TDRP: variants seen among roughly 807,000 people sequenced by gnomAD.
TDRP encodes the protein testis development-related protein.
TDRP carries 12 observed loss-of-function variants against 10.5 expected under a neutral mutation model. That is an observed-to-expected ratio of 1.15 (90% confidence interval 0.73 to 1.86). The LOEUF (loss-of-function observed/expected upper bound fraction) is 1.86. Ranked by LOEUF, TDRP falls within the 40% of genes most tolerant of loss-of-function variation. TDRP has a pLI of 0.00. For missense variants in TDRP, 353 were observed against 229.2 expected (o/e 1.54, Z -3.49); for synonymous variants, 139 against 95.4 (o/e 1.46, Z -2.67).
intron 1 of TDRP, among the ~76,000 whole-genome samples, chr8:519,683 A>G (rs1327539006): frequency 6.6e-6 from 1 of 152,166 alleles, no homozygotes; most frequent in Non-Finnish European, 1.5e-5. Context: ...ACCCAAAATA[A>G]TAATGAGGTG....
At chr8:509,761 G>A (rs1285338872) in intron 1 of TDRP, among the ~76,000 whole-genome samples, 4 of 152,162 alleles carry the variant, frequency 2.6e-5, no homozygotes, top group Non-Finnish European at 4.4e-5. Flanking sequence ...TCTGCAGCTG[G>A]CTTGAATTTC....
rs1802594557 is a variant in TDRP at position 544,807 on chromosome 8, C to T, written c.-50G>A. On this transcript the variant is annotated 5_prime_UTR_variant, in exon 1 of 3. Transcript: ENST00000324079. ...CCGTCCGTGCGTCGGGCTGTGGCTC[C>T]GCGTCCCTCCCGGCCGCCGGACGCT... 7 of 1,186,360 alleles carry T rather than the reference C, an allele frequency of 5.9e-6. No homozygotes were observed. Among genetic ancestry groups the T allele is most frequent in the Non-Finnish European group, 7.4e-6 (7 of 947,772 alleles). 73.5% of individuals were successfully genotyped at this position (1,186,360 alleles called of 1,614,324 possible).
intron 1 of TDRP, among the ~76,000 whole-genome samples, chr8:512,784 G>C (rs1584865910): frequency 1.3e-5 from 2 of 152,132 alleles, no homozygotes; most frequent in South Asian, 4.2e-4. Flanking sequence ...AGAACAGCCT[G>C]GCCATGGCAA....
chr8:535,442 A>T (rs1023606089), intron 1 of TDRP, among the ~76,000 whole-genome samples: 1 of 152,172 alleles, frequency 6.6e-6, no homozygotes, highest in Non-Finnish European at 1.5e-5. Context: ...TAAAACGAAC[A>T]TAAAACGACC....
rs187882976 is a variant in TDRP, at chr8:492,220, G to A, written c.*179C>T. 299 of 1,283,696 alleles carry A rather than the reference G, an allele frequency of 2.3e-4. No individual in the cohort carries two copies. In the African/African-American group the frequency reaches 4.3e-3, roughly 18 times the overall value. The allele number at this position is 1,283,696 out of a possible 1,614,324, so 79.5% of individuals were successfully genotyped here. ...AATCAAATGTACAATCCCTGCACGTGTTCACCAAGGAGTCACAGTGTGTGT... is the reference window on the plus strand; with the variant it reads ...AATCAAATGTACAATCCCTGCACGTATTCACCAAGGAGTCACAGTGTGTGT... On this transcript the variant is annotated 3_prime_UTR_variant, in exon 3 of 3. Transcript: ENST00000324079.
At chr8:492,876 A>G in intron 2 of TDRP, 132 bp from the exon 3 acceptor site, 1 of 743,064 alleles carries the variant, frequency 1.3e-6, no homozygotes, top group Non-Finnish European at 2.1e-6. Flanking sequence ...CTATATGAAA[A>G]GTTTCAAATA....
intron 1 of TDRP, among the ~76,000 whole-genome samples, chr8:512,085 A>C (rs1563122549): frequency 6.6e-6 from 1 of 152,202 alleles, no homozygotes; most frequent in Admixed American, 6.5e-5. Context: ...AATAGAGAAT[A>C]ACAGAAGAGA....
intron 1 of TDRP, among the ~76,000 whole-genome samples, chr8:529,275 C>A (rs1290148965): frequency 6.6e-6 from 1 of 152,150 alleles, no homozygotes; most frequent in Non-Finnish European, 1.5e-5. Context: ...AATATACACA[C>A]CTACTATGAT....
At chr8:533,090 G>C (rs1195862136) in intron 1 of TDRP, among the ~76,000 whole-genome samples, 3 of 152,164 alleles carry the variant, frequency 2.0e-5, no homozygotes, top group Non-Finnish European at 4.4e-5. Context: ...ACTTCAGAGA[G>C]GCTTTTCTAG....
chr8:492,868 A>T, intron 2 of TDRP, 124 bp from the exon 3 acceptor site: 1 of 770,920 alleles, frequency 1.3e-6, no homozygotes, highest in East Asian at 2.8e-5. Flanking sequence ...ACACAAGTCT[A>T]TATGAAAAGT....
At chr8:507,983 AG>A (rs1052070061) in intron 1 of TDRP, among the ~76,000 whole-genome samples, 8 of 152,240 alleles carry the variant, frequency 5.3e-5, no homozygotes, top group Admixed American at 1.3e-4. Context: ...CCAAAGAAAA[AG>A]GAAGACCCAT....
chr8:504,139 G>A (rs942635489), intron 1 of TDRP, among the ~76,000 whole-genome samples: 1 of 152,212 alleles, frequency 6.6e-6, no homozygotes, highest in Admixed American at 6.5e-5. Context: ...CCTGGGTTCT[G>A]ACCGCAGCCC....
intron 1 of TDRP, among the ~76,000 whole-genome samples, chr8:530,255 T>C (rs976534592): frequency 6.6e-6 from 1 of 152,204 alleles, no homozygotes; most frequent in Non-Finnish European, 1.5e-5. Flanking sequence ...CTGATTTCAT[T>C]TGCTTGACTA....
At chr8:527,163 T>G (rs962609544) in intron 1 of TDRP, among the ~76,000 whole-genome samples, 1 of 151,440 alleles carries the variant, frequency 6.6e-6, no homozygotes, top group African/African-American at 2.4e-5. Context: ...AAAAATAAAA[T>G]TAAAAAAGTA....
intron 1 of TDRP, among the ~76,000 whole-genome samples, chr8:536,598 CAT>C (rs1802353248): frequency 1.3e-5 from 2 of 152,014 alleles, no homozygotes; most frequent in Non-Finnish European, 2.9e-5. Flanking sequence ...GTAAAATACA[CAT>C]AGATATGAGA....
intron 1 of TDRP, among the ~76,000 whole-genome samples, chr8:532,797 G>A (rs569209721): frequency 2.0e-5 from 3 of 152,210 alleles, no homozygotes; most frequent in South Asian, 4.2e-4. Flanking sequence ...AGCAAATAAC[G>A]GCCTGTGTTT....
At chr8:494,041 G>A (rs559263778) in intron 2 of TDRP, among the ~76,000 whole-genome samples, 151 of 121,944 alleles carry the variant, frequency 1.2e-3, no homozygotes, top group African/African-American at 4.5e-3. Context: ...TGTTGCCTCC[G>A]TCTCCCACAG....
intron 1 of TDRP, among the ~76,000 whole-genome samples, chr8:519,860 C>T (rs1048727084): frequency 6.6e-6 from 1 of 152,208 alleles, no homozygotes; most frequent in African/African-American, 2.4e-5. Flanking sequence ...GGTGAAGGGG[C>T]TGGCGCCACT....
rs1359771770 is a variant in TDRP, at chr8:492,729, T to C, written c.228A>G (p.Leu76=). The change falls in exon 3 of 3, where the codon TTA becomes TTG. Residue 76 remains leucine, a synonymous_variant. Coordinates refer to ENST00000324079, the MANE Select transcript of TDRP (RefSeq NM_001384899.1). ...SPKSKGTNLR[L]KEELKAEKKS... ...TCTTCTCTGCCTTCAACTCTTCTTT[T>C]AATCGTAAGTTAGTTCTATAGGAGA... 4 of 1,611,514 alleles carry C rather than the reference T, an allele frequency of 2.5e-6. No individual in the cohort carries two copies. The highest frequency in any genetic ancestry group is 1.3e-5 in the African/African-American group (1 of 74,758).
Sources: allele counts gnomAD v4.1 joint callset (sites outside exome capture counted in the v4.1 genomes callset), GRCh38; gene constraint gnomAD v4.1.1; transcripts MANE v1.5; gene names NCBI Gene and HGNC (gene_info 2026-07-23, HGNC 2026-07-21).